Variants in LINGO2 observed in about 807,000 individuals in gnomAD.
The protein encoded by LINGO2 is leucine-rich repeat and immunoglobulin-like domain-containing nogo receptor-interacting protein 2.
In LINGO2, 14 loss-of-function variants were observed where a neutral mutation model predicts 30.6. The observed-to-expected ratio is 0.46, with a 90% CI of 0.30 to 0.72. LINGO2 has a LOEUF of 0.72. Ranked by LOEUF, LINGO2 falls within the 30% of genes least tolerant of loss-of-function variation. The pLI is 0.07. For missense variants in LINGO2, 729 were observed against 751.7 expected, an observed-to-expected ratio of 0.97 and a Z score of 0.35; for synonymous variants, 317 against 288.5, an observed-to-expected ratio of 1.10 and a Z score of -1.00.
At chr9:28,003,389 A>G (rs1822079570) in intron 5 of LINGO2, among the ~76,000 whole-genome samples, 1 of 151,886 alleles carries the variant, frequency 6.6e-6, no homozygotes, top group Admixed American at 6.6e-5. Context: ...ATAGATATAG[A>G]GAGAGAGAGA....
intron 4 of LINGO2, among the ~76,000 whole-genome samples, chr9:28,205,077 A>G (rs980545654): frequency 1.1e-4 from 17 of 152,188 alleles, no homozygotes; most frequent in African/African-American, 3.6e-4. Flanking sequence ...TCTCAAATCT[A>G]CACTAGAGCC....
chr9:28,833,154 T>C, the LINGO2 span, among the ~76,000 whole-genome samples: 4 of 152,178 alleles, frequency 2.6e-5, no homozygotes, highest in Admixed American at 6.5e-5. Flanking sequence ...AGCAGGCCTG[T>C]ACTGCCTAAT....
At chr9:28,585,466 T>C (rs1260126647) in intron 1 of LINGO2, among the ~76,000 whole-genome samples, 2 of 151,996 alleles carry the variant, frequency 1.3e-5, no homozygotes, top group East Asian at 3.9e-4. Context: ...TTTGAAGTTA[T>C]AATGGTGGGA....
intron 4 of LINGO2, among the ~76,000 whole-genome samples, chr9:28,171,105 G>A (rs542192871): frequency 6.6e-6 from 1 of 152,246 alleles, no homozygotes; most frequent in East Asian, 1.9e-4. Flanking sequence ...TTAGTATTTG[G>A]TTCTTGAAGC....
intron 1 of LINGO2, among the ~76,000 whole-genome samples, chr9:28,547,375 T>A (rs1822003501): frequency 6.6e-6 from 1 of 152,124 alleles, no homozygotes; most frequent in African/African-American, 2.4e-5. Flanking sequence ...CCCTTTAAAA[T>A]GTTCCATTTG....
chr9:28,340,164 C>T (rs2134385364), intron 3 of LINGO2, among the ~76,000 whole-genome samples: 1 of 152,282 alleles, frequency 6.6e-6, no homozygotes, highest in South Asian at 2.1e-4. Flanking sequence ...GACACTAGTT[C>T]TGTGACCACA....
chr9:28,682,495 T>C, the LINGO2 span, among the ~76,000 whole-genome samples: 1 of 152,180 alleles, frequency 6.6e-6, no homozygotes, highest in Admixed American at 6.5e-5. Context: ...ACACAGGATA[T>C]TGCTTAGGAA....
chr9:28,583,374 T>C (rs1014182693), intron 1 of LINGO2, among the ~76,000 whole-genome samples: 1 of 151,984 alleles, frequency 6.6e-6, no homozygotes, highest in Admixed American at 6.6e-5. Flanking sequence ...CCATTTACTA[T>C]TATAGAGATT....
chr9:27,952,586 A>G (rs567124910), intron 5 of LINGO2, among the ~76,000 whole-genome samples: 4 of 152,154 alleles, frequency 2.6e-5, no homozygotes, highest in African/African-American at 9.6e-5. Flanking sequence ...TTTACACAAA[A>G]ATAAAGTCAA....
rs181239750 is a variant in LINGO2, at chr9:28,252,857, C to T, written c.-87+42351G>A. On this transcript the variant is annotated intron_variant, in intron 4 of 5. Transcript: ENST00000379992. Reference sequence around the variant, plus strand: ...TTAATTATGCCTATACAGTGGTTATCAAGCTCACAGCCAAATCATATTGTA... The same window carrying T: ...TTAATTATGCCTATACAGTGGTTATTAAGCTCACAGCCAAATCATATTGTA... Among the ~76,000 whole-genome samples the T allele has an allele frequency of 2.1e-3, 321 of 152,126 alleles. 2 individuals carry two copies. Among genetic ancestry groups the T allele is most frequent in the Non-Finnish European group, 3.6e-3 (247 of 67,992 alleles).
At chr9:28,597,597 T>G (rs1825248352) in intron 1 of LINGO2, among the ~76,000 whole-genome samples, 1 of 152,180 alleles carries the variant, frequency 6.6e-6, no homozygotes, top group African/African-American at 2.4e-5. Context: ...ATGCAGCTAT[T>G]TATCAGAAGC....
At chr9:29,116,507 T>A in the LINGO2 span, among the ~76,000 whole-genome samples, 3 of 152,134 alleles carry the variant, frequency 2.0e-5, no homozygotes, top group African/African-American at 7.2e-5. Flanking sequence ...TCCTTATTTC[T>A]TTTCATTCAC....
At chr9:28,485,298 C>A (rs770135464) in intron 1 of LINGO2, among the ~76,000 whole-genome samples, 3 of 152,108 alleles carry the variant, frequency 2.0e-5, no homozygotes, top group Non-Finnish European at 4.4e-5. Flanking sequence ...TTATTATATA[C>A]TATGAGCACA....
chr9:28,134,657 T>A (rs1228987845), intron 4 of LINGO2, among the ~76,000 whole-genome samples: 1 of 152,156 alleles, frequency 6.6e-6, no homozygotes, highest in Non-Finnish European at 1.5e-5. Context: ...CTGCTGGAGA[T>A]GTAGTAAACA....
rs1329583446 is a variant in LINGO2 at position 28,147,701 on chromosome 9, G to T, written c.-86-135296C>A. Among the ~76,000 whole-genome samples, 1 of 152,174 alleles carries T rather than the reference G, an allele frequency of 6.6e-6. No homozygotes were observed. Among genetic ancestry groups the T allele is most frequent in the Non-Finnish European group, 1.5e-5 (1 of 68,030 alleles). ...CGCACCCCCAACAGCCCCACGGGGGGGCCCGTCCAGGGCCACACAACTGCC... is the reference window on the plus strand; with the variant it reads ...CGCACCCCCAACAGCCCCACGGGGGTGCCCGTCCAGGGCCACACAACTGCC... On this transcript the variant is annotated intron_variant, in intron 4 of 5. Coordinates refer to ENST00000379992, the Ensembl canonical transcript of LINGO2. This position sits in a 1 kb window ranked among gnomAD's most constrained non-coding sequence, Gnocchi z 4.7.
At chr9:28,531,424 C>G (rs1412873550) in intron 1 of LINGO2, among the ~76,000 whole-genome samples, 1 of 152,018 alleles carries the variant, frequency 6.6e-6, no homozygotes, top group African/African-American at 2.4e-5. Flanking sequence ...TTTCAATTTT[C>G]CAAACACCAG....
At chr9:29,004,978 T>G in the LINGO2 span, among the ~76,000 whole-genome samples, 1 of 151,978 alleles carries the variant, frequency 6.6e-6, no homozygotes, top group African/African-American at 2.4e-5. Flanking sequence ...TGAGTTAATA[T>G]AGCTATTGTA....
the LINGO2 span, among the ~76,000 whole-genome samples, chr9:29,182,108 G>A: frequency 1.0e-3 from 157 of 152,152 alleles, 2 homozygotes; most frequent in East Asian, 0.027. Context: ...ATTTTGAGGT[G>A]AGTATCATAA....
the LINGO2 span, among the ~76,000 whole-genome samples, chr9:28,795,758 T>G: frequency 1.3e-5 from 2 of 152,086 alleles, no homozygotes; most frequent in African/African-American, 4.8e-5. Flanking sequence ...TTAAAAAATC[T>G]GTATTCCTTT....
Sources: allele counts gnomAD v4.1 joint callset (sites outside exome capture counted in the v4.1 genomes callset), GRCh38; gene constraint gnomAD v4.1.1; non-coding constraint Gnocchi (gnomAD v3.1); transcripts MANE v1.5; gene names NCBI Gene and HGNC (gene_info 2026-07-23, HGNC 2026-07-21).